PALB2: variants seen among roughly 807,000 people sequenced by gnomAD.
PALB2 encodes partner and localizer of BRCA2.
A neutral mutation model predicts 107.4 loss-of-function variants in PALB2; 82 were observed. The ratio of observed to expected loss-of-function variants is 0.76; its 90% CI spans 0.64 to 0.92. The LOEUF is 0.92. PALB2 is among the 40% of genes least tolerant of loss of function. PALB2 has a pLI of 0.00. For missense variants in PALB2, 1,374 were observed against 1,379.9 expected (o/e 1.00, Z 0.07); for synonymous variants, 489 against 496.8 (o/e 0.98, Z 0.21).
chr16:23,627,147 C>A (rs770518903), intron 6 of PALB2, among the ~76,000 whole-genome samples: 18 of 152,002 alleles, frequency 1.2e-4, no homozygotes, highest in Admixed American at 1.3e-4. Context: ...AACCACAGAG[C>A]GTGGCCAAAG....
chr16:23,606,236 G>A (rs1232582165), intron 12 of PALB2, among the ~76,000 whole-genome samples: 1 of 151,408 alleles, frequency 6.6e-6, no homozygotes, highest in Non-Finnish European at 1.5e-5. Context: ...GAGGTTCTTA[G>A]GTTCTTAAAA....
rs2142423854 is a variant in PALB2, at chr16:23,635,375, C to A, written c.1171G>T (p.Ala391Ser). The stretch of plus-strand genomic sequence containing the variant: ...GGCACTGTGCAAGAATGTTTTTCTG[C>A]AGAAAGAGGAGAGGTTGCTTCCAGG... Reference protein sequence around the residue: ...LSLEATSPLSAEKHSCTVPEG... With the variant: ...LSLEATSPLSSEKHSCTVPEG... Residue 391 changes from alanine (A) to serine (S), a missense_variant, in exon 4 of 13, where the codon GCA (alanine) becomes TCA (serine). Transcript: ENST00000261584. 1 of 1,613,914 alleles carries A rather than the reference C, an allele frequency of 6.2e-7. No homozygotes were observed. Among genetic ancestry groups the A allele is most frequent in the East Asian group, 2.2e-5 (1 of 44,884 alleles).
At position 23,629,896 on chromosome 16, in the gene PALB2, C is replaced by T. The variant is rs587778586; in HGVS notation, c.2258G>A (p.Arg753Gln). Reference sequence around the variant, plus strand: ...AGCAAGTTGGGGTGTGCAGCAAGTTCGTCCAGCAACTTCTGTAGATGCTTT... The same window carrying T: ...AGCAAGTTGGGGTGTGCAGCAAGTTTGTCCAGCAACTTCTGTAGATGCTTT... ...YEKASTEVAG[R>Q]TCCTPQLAHL... The change falls in exon 5 of 13, where the codon CGA (arginine) becomes CAA (glutamine). Residue 753 changes from arginine to glutamine, a missense_variant. Coordinates refer to ENST00000261584, the MANE Select transcript of PALB2 (RefSeq NM_024675.4). 11 of 1,614,004 alleles carry T rather than the reference C, an allele frequency of 6.8e-6. No individual in the cohort carries two copies. The highest frequency in any genetic ancestry group is 2.2e-5 in the East Asian group (1 of 44,900).
rs768482110 is a variant in PALB2, at chr16:23,635,163, A to T, written c.1383T>A (p.Ser461Arg). Reference protein sequence around the residue: ...LNLSNEETDQSEIRMSGTCTG... With the variant: ...LNLSNEETDQREIRMSGTCTG... ...TGCATGTGCCAGACATCCTAATTTC[A>T]CTTTGGTCAGTTTCCTCATTGGAAA... Residue 461 changes from serine to arginine, a missense_variant, in exon 4 of 13, where the codon AGT becomes AGA. Transcript: ENST00000261584. 3.1e-6 allele frequency: 5 copies of T among 1,614,026 alleles called. No individual in the cohort carries two copies. In the Admixed American group the frequency reaches 8.3e-5, roughly 27 times the overall value.
intron 6 of PALB2, among the ~76,000 whole-genome samples, chr16:23,627,160 G>A (rs1966844747): frequency 6.6e-6 from 1 of 152,008 alleles, no homozygotes; most frequent in Non-Finnish European, 1.5e-5. Flanking sequence ...GGCCAAAGCA[G>A]TATTTCCAAG....
intron 6 of PALB2, 78 bp downstream of exon 6, chr16:23,629,126 A>C (rs1297320539): frequency 9.3e-7 from 1 of 1,079,364 alleles, no homozygotes; most frequent in African/African-American, 1.5e-5. Context: ...ACAAGAAGCT[A>C]TATGACTGAA....
intron 11 of PALB2, among the ~76,000 whole-genome samples, chr16:23,610,328 G>A (rs75656489): frequency 1.5e-5 from 1 of 67,224 alleles, no homozygotes; most frequent in African/African-American, 5.5e-5. Context: ...TTTTTTTTTT[G>A]AGACAGAGAC....
intron 10 of PALB2, among the ~76,000 whole-genome samples, chr16:23,616,986 G>A (rs1966695427): frequency 6.6e-6 from 1 of 151,906 alleles, no homozygotes; most frequent in Non-Finnish European, 1.5e-5. Flanking sequence ...CGAATTTTTT[G>A]TATTTTTAGT....
intron 4 of PALB2, among the ~76,000 whole-genome samples, chr16:23,630,879 G>T (rs1966870401): frequency 6.6e-6 from 1 of 151,988 alleles, no homozygotes; most frequent in African/African-American, 2.4e-5. Flanking sequence ...AGAGGTCAAG[G>T]TAAGAGAATT....
intron 1 of PALB2, chr16:23,640,614 C>T (rs1193321771): frequency 2.6e-5 from 6 of 234,172 alleles, no homozygotes; most frequent in Admixed American, 5.6e-5. Context: ...ATAAACATGT[C>T]CTGACAGGAA....
chr16:23,608,141 T>A, intron 11 of PALB2, 129 bp from the exon 12 acceptor site: 1 of 1,014,804 alleles, frequency 9.9e-7, no homozygotes. Flanking sequence ...ATCCAGGATT[T>A]AACCACTGGC....
intron 1 of PALB2, chr16:23,638,656 T>C (rs1967126212): frequency 4.8e-6 from 2 of 416,950 alleles, no homozygotes; most frequent in Admixed American, 5.9e-5. Context: ...CTAGATGCAA[T>C]TTACATACAG....
chr16:23,640,341 G>T (rs1470052323), intron 1 of PALB2: 1 of 204,778 alleles, frequency 4.9e-6, no homozygotes, highest in African/African-American at 2.3e-5. Flanking sequence ...GTCTAAAGAA[G>T]CAAGGGCACT....
At chr16:23,638,372 T>G in intron 1 of PALB2, 1 of 571,668 alleles carries the variant, frequency 1.7e-6, no homozygotes, top group Non-Finnish European at 3.1e-6. Flanking sequence ...AAACCTTAGC[T>G]TAGATTTTTA....
chr16:23,615,001 TGC>T (rs1966660329), intron 10 of PALB2, among the ~76,000 whole-genome samples: 1 of 141,120 alleles, frequency 7.1e-6, no homozygotes, highest in South Asian at 2.2e-4. Context: ...CCAGGCTGAG[TGC>T]AGTGGTGCCA....
intron 12 of PALB2, among the ~76,000 whole-genome samples, chr16:23,606,354 G>A (rs1966474584): frequency 6.6e-6 from 1 of 152,068 alleles, no homozygotes; most frequent in South Asian, 2.1e-4. Context: ...GCAGTGAGCT[G>A]AGATCGTGCC....
intron 7 of PALB2, among the ~76,000 whole-genome samples, chr16:23,625,657 CATG>C: frequency 6.6e-6 from 1 of 152,064 alleles, no homozygotes; most frequent in South Asian, 2.1e-4. Flanking sequence ...ATTAGCCAGG[CATG>C]GTGGTGGGCA....
chr16:23,634,027 C>T (rs249942), intron 4 of PALB2, among the ~76,000 whole-genome samples: 161 of 152,192 alleles, frequency 1.1e-3, no homozygotes, highest in African/African-American at 3.7e-3. Context: ...TCCTCTAGTA[C>T]ACATTCCATT....
intron 6 of PALB2, among the ~76,000 whole-genome samples, chr16:23,626,964 G>A (rs1240115982): frequency 6.6e-6 from 1 of 151,854 alleles, no homozygotes; most frequent in African/African-American, 2.4e-5. Context: ...AATAAATTCA[G>A]ATATAACCAC....
Sources: gnomAD v4.1 joint callset for allele counts (sites outside exome capture counted in the v4.1 genomes callset) on GRCh38, gnomAD v4.1.1 for gene constraint, MANE v1.5 for transcripts, NCBI Gene and HGNC (gene_info 2026-07-23, HGNC 2026-07-21) for gene names.